Variants in XYLB observed in about 807,000 individuals in gnomAD.
The protein encoded by XYLB is xylulokinase.
A neutral mutation model predicts 78.7 loss-of-function variants in XYLB; 62 were observed. The ratio of observed to expected loss-of-function variants is 0.79; its 90% CI spans 0.64 to 0.97. The LOEUF (loss-of-function observed/expected upper bound fraction) is 0.97, where lower values mean the gene tolerates loss of function less well. Among genes scored for constraint, XYLB ranks in the 50% least tolerant of loss-of-function variants. The pLI is 0.00. For synonymous variants in XYLB, 245 were observed against 247.4 expected, an observed-to-expected ratio of 0.99 and a Z score of 0.09; for missense variants, 687 against 676.8, an observed-to-expected ratio of 1.02 and a Z score of -0.17.
At position 38,365,699 on chromosome 3, in the gene XYLB, A is replaced by G. The variant is rs774582131; in HGVS notation, c.470A>G (p.Gln157Arg). ...RQLEAAVGGAQALSCLTGSRA... is the reference protein window; with the variant it reads ...RQLEAAVGGARALSCLTGSRA... The stretch of plus-strand genomic sequence containing the variant: ...CTGGAGGCTGCTGTGGGTGGTGCTC[A>G]GGCTCTCAGCTGCCTCACGGGGTCC... The change falls in exon 6 of 19, where the codon CAG becomes CGG. Residue 157 changes from glutamine to arginine, a missense_variant. Transcript: ENST00000207870. 7.4e-6 allele frequency: 12 copies of G among 1,613,664 alleles called. No homozygotes were observed. Among genetic ancestry groups the G allele is most frequent in the Non-Finnish European group, 1.0e-5 (12 of 1,179,954 alleles).
intron 2 of XYLB, among the ~76,000 whole-genome samples, chr3:38,353,884 A>AT (rs1705501686): frequency 1.5e-5 from 1 of 66,354 alleles, no homozygotes; most frequent in African/African-American, 4.8e-5. Flanking sequence ...GAGACTCCAT[A>AT]TAAAAAAAAA....
intron 17 of XYLB, among the ~76,000 whole-genome samples, chr3:38,399,634 G>C (rs981748125): frequency 6.6e-6 from 1 of 152,196 alleles, no homozygotes; most frequent in Non-Finnish European, 1.5e-5. Context: ...GAAGTATGGG[G>C]TCTGCTTCAT....
At chr3:38,374,932 A>C (rs1706769854) in intron 11 of XYLB, among the ~76,000 whole-genome samples, 2 of 152,220 alleles carry the variant, frequency 1.3e-5, no homozygotes, top group Non-Finnish European at 2.9e-5. Flanking sequence ...ATCAGCACAG[A>C]AGATCCATGA....
rs140941729 is a variant in XYLB, at chr3:38,409,168, C to T, written c.1534-3768C>T. Among the ~76,000 whole-genome samples, 511 of 152,324 alleles carry T rather than the reference C, an allele frequency of 3.4e-3. 5 individuals are homozygous for T. The highest frequency in any genetic ancestry group is 0.012 in the African/African-American group (486 of 41,576). ...TACTGGCAAACCAAATCCAGCAGCA[C>T]ATCCAAAAGCTTATCCACCATGATC... On this transcript the variant is annotated intron_variant, in intron 18 of 18. Coordinates refer to ENST00000207870, the MANE Select transcript of XYLB (RefSeq NM_005108.4).
intron 18 of XYLB, among the ~76,000 whole-genome samples, chr3:38,401,361 C>T (rs1708118149): frequency 6.6e-6 from 1 of 152,156 alleles, no homozygotes; most frequent in Non-Finnish European, 1.5e-5. Context: ...TGCAGTCACC[C>T]AGGCCAGGAA....
At position 38,413,658 on chromosome 3, in the gene XYLB, T is replaced by C. The variant is rs1708690665; in HGVS notation, c.*645T>C. 2 of 151,922 alleles carry C rather than the reference T, an allele frequency of 1.3e-5. No individual in the cohort carries two copies. The highest frequency in any genetic ancestry group is 4.2e-4 in the South Asian group (2 of 4,794). 9.4% of individuals were successfully genotyped at this position (151,922 alleles called of 1,614,324 possible). On this transcript the variant is annotated 3_prime_UTR_variant, in exon 19 of 19. Coordinates refer to ENST00000207870, the MANE Select transcript of XYLB (RefSeq NM_005108.4). ...CCATCTCTCCTCTCCCCCTCCTTCA[T>C]CTCTCCTCCCTCCCCAAACTCACTT... is the stretch of plus-strand genomic sequence containing the variant.
chr3:38,375,085 C>T (rs1168912616), intron 11 of XYLB, 59 bp from the exon 12 acceptor site: 11 of 1,401,190 alleles, frequency 7.9e-6, no homozygotes, highest in East Asian at 4.8e-5. Context: ...GCGTCGCTGG[C>T]AGAGGGCAGC....
At chr3:38,364,613 C>T (rs1215491592) in intron 4 of XYLB, among the ~76,000 whole-genome samples, 1 of 151,388 alleles carries the variant, frequency 6.6e-6, no homozygotes, top group African/African-American at 2.4e-5. Context: ...TCTCTGCATG[C>T]AACACACACT....
At position 38,414,073 on chromosome 3, in the gene XYLB, C is replaced by T. The variant is rs1002448458; in HGVS notation, c.*1060C>T. The T allele has an allele frequency of 1.3e-5, 2 of 152,116 alleles. No homozygotes were observed. The highest frequency in any genetic ancestry group is 4.8e-5 in the African/African-American group (2 of 41,410). The allele number at this position is 152,116 out of a possible 1,614,324, so 9.4% of individuals were successfully genotyped here. ...ATTGCAAAAGCCTCTATAGAAAGTCCTCTGTGATCTGACTCCTGCAGACTC... is the reference window on the plus strand; with the variant it reads ...ATTGCAAAAGCCTCTATAGAAAGTCTTCTGTGATCTGACTCCTGCAGACTC... On this transcript the variant is annotated 3_prime_UTR_variant, in exon 19 of 19. Transcript: ENST00000207870.
chr3:38,385,063 C>A (rs1707323228), intron 15 of XYLB, among the ~76,000 whole-genome samples: 2 of 152,118 alleles, frequency 1.3e-5, no homozygotes. Context: ...TGCAGTGGTA[C>A]AATCTCAGCT....
intron 2 of XYLB, among the ~76,000 whole-genome samples, chr3:38,354,310 C>T (rs931683134): frequency 1.5e-4 from 23 of 152,182 alleles, no homozygotes; most frequent in African/African-American, 3.9e-4. Flanking sequence ...TCAGGTGATC[C>T]GCCTGCCTTG....
chr3:38,441,046 C>T, the XYLB span, among the ~76,000 whole-genome samples: 3 of 152,060 alleles, frequency 2.0e-5, no homozygotes, highest in Non-Finnish European at 4.4e-5. Flanking sequence ...TTCCCTGCCT[C>T]TACCAGCCGC....
chr3:38,375,971 C>T, intron 12 of XYLB, 146 bp from the exon 13 acceptor site: 1 of 667,160 alleles, frequency 1.5e-6, no homozygotes, highest in Admixed American at 2.2e-5. Context: ...CCTCCGATAC[C>T]TAAGTTTCAA....
chr3:38,411,486 T>A (rs1708583716), intron 18 of XYLB, among the ~76,000 whole-genome samples: 1 of 151,858 alleles, frequency 6.6e-6, no homozygotes. Flanking sequence ...CATATGTAAC[T>A]AACCTGCACA....
downstream of XYLB, among the ~76,000 whole-genome samples, chr3:38,417,467 A>G (rs13092473): frequency 0.48 from 73,425 of 151,968 alleles, 19,798 homozygotes; most frequent in Non-Finnish European, 0.61. Flanking sequence ...GACACATAAA[A>G]CCCACAGTAC....
rs371322514 is a variant in XYLB at position 38,375,613 on chromosome 3, G to A, written c.1004+354G>A. On this transcript the variant is annotated intron_variant, in intron 12 of 18. Coordinates refer to ENST00000207870, the MANE Select transcript of XYLB (RefSeq NM_005108.4). The stretch of plus-strand genomic sequence containing the variant: ...TTACCTCACATTGTTACTGTGACCC[G>A]TCTGGCATGTGGTGGACCCTCAGCA... Among the ~76,000 whole-genome samples, 13 of 152,230 alleles carry A rather than the reference G, an allele frequency of 8.5e-5. No homozygotes were observed. The East Asian group carries it at 1.4e-3, about 16-fold the overall frequency.
chr3:38,421,977 G>A (rs1708993707), downstream of XYLB, among the ~76,000 whole-genome samples: 1 of 152,198 alleles, frequency 6.6e-6, no homozygotes, highest in African/African-American at 2.4e-5. Flanking sequence ...TGATATGGAT[G>A]CTTGGCAGTT....
intron 14 of XYLB, 21 bp downstream of exon 14, chr3:38,377,012 G>A: frequency 1.2e-6 from 2 of 1,603,632 alleles, no homozygotes; most frequent in Non-Finnish European, 1.7e-6. Context: ...TGTTGGTGTT[G>A]GAGTTACATT....
chr3:38,354,837 TTTATAAA>T lies in XYLB; in HGVS notation c.141-5498_141-5492del, dbSNP rs568673796. ...ATATTTTTATTGAGATCATATTATC[TTTATAAA>T]TTAACTTGGCAGAATTGACAACTTT... On this transcript the variant is annotated intron_variant, in intron 2 of 18. Coordinates refer to ENST00000207870, the MANE Select transcript of XYLB (RefSeq NM_005108.4). 1.8e-3 allele frequency among the ~76,000 whole-genome samples: 272 copies of T among 152,356 alleles called. 4 individuals carry two copies. The highest frequency in any genetic ancestry group is 5.9e-3 in the African/African-American group (244 of 41,586).
Sources: gnomAD v4.1 joint callset for allele counts (sites outside exome capture counted in the v4.1 genomes callset) on GRCh38, gnomAD v4.1.1 for gene constraint, MANE v1.5 for transcripts, NCBI Gene and HGNC (gene_info 2026-07-23, HGNC 2026-07-21) for gene names.